The following TUBGCP6 variants were observed in gnomAD, a reference collection of about 807,000 sequenced individuals.
TUBGCP6 encodes the protein gamma-tubulin complex component 6.
TUBGCP6 carries 161 observed loss-of-function variants against 175.8 expected under a neutral mutation model. The observed-to-expected ratio is 0.92, with a 90% CI of 0.81 to 1.04. The LOEUF (loss-of-function observed/expected upper bound fraction) is 1.04. Ranked by LOEUF, TUBGCP6 falls within the 50% of genes least tolerant of loss-of-function variation. The pLI is 0.00. For synonymous variants in TUBGCP6, 1,173 were observed against 1,030.5 expected (o/e 1.14, Z -2.65); for missense variants, 2,572 against 2,433.0 (o/e 1.06, Z -1.20).
intron 4 of TUBGCP6, among the ~76,000 whole-genome samples, chr22:50,229,112 C>T (rs1430745555): frequency 2.0e-5 from 3 of 152,240 alleles, no homozygotes; most frequent in Non-Finnish European, 4.4e-5. Flanking sequence ...AGCAAGAGCC[C>T]CACTCACGCC....
chr22:50,227,766 G>A lies in TUBGCP6; in HGVS notation c.1412+141C>T, dbSNP rs981608413. The A allele has an allele frequency of 8.9e-6, 11 of 1,241,828 alleles. No individual in the cohort carries two copies. In the African/African-American group the frequency reaches 1.1e-4, roughly 12 times the overall value. The allele number at this position is 1,241,828 out of a possible 1,614,324, so 76.9% of individuals were successfully genotyped here. ...CACCGGGCACCTGGTGAACTCGGCC[G>A]GCCAAGGGCCATCCGGTCGCCTGCT... On this transcript the variant is annotated intron_variant, in intron 5 of 24. Coordinates refer to ENST00000248846, the MANE Select transcript of TUBGCP6 (RefSeq NM_020461.4).
chr22:50,227,769 C>T (rs1432090283), intron 5 of TUBGCP6, 138 bp downstream of exon 5: 13 of 1,282,236 alleles, frequency 1.0e-5, no homozygotes, highest in Non-Finnish European at 1.4e-5. Context: ...CTCGGCCGGC[C>T]AAGGGCCATC....
Position 50,218,253 on chromosome 22 carries a change from T to C in TUBGCP6, c.5104A>G (p.Thr1702Ala), listed in dbSNP as rs777748338. ...TGGATCTCCTCCAGGTCGCCCACGGTGGCCAACCTGGCCCTGAACTCGCAC... is the reference window on the plus strand; with the variant it reads ...TGGATCTCCTCCAGGTCGCCCACGGCGGCCAACCTGGCCCTGAACTCGCAC... ...TWCEFRARLA[T>A]VGDLEEIQRA... Residue 1702 changes from threonine (T) to alanine (A), a missense_variant, in exon 23 of 25, where the codon ACC (threonine) becomes GCC (alanine). Coordinates refer to ENST00000248846, the MANE Select transcript of TUBGCP6 (RefSeq NM_020461.4). 15 of 1,612,914 alleles carry C rather than the reference T, an allele frequency of 9.3e-6. No homozygotes were observed. Among genetic ancestry groups the C allele is most frequent in the Admixed American group, 3.3e-5 (2 of 59,992 alleles).
Position 50,225,760 on chromosome 22 carries a change from G to A in TUBGCP6, c.1983+34C>T, listed in dbSNP as rs376866753. On this transcript the variant is annotated intron_variant, in intron 10 of 24. Coordinates refer to ENST00000248846, the MANE Select transcript of TUBGCP6 (RefSeq NM_020461.4). ...GACCCCAGGAAGCAGAGGCAGGGGC[G>A]AAGAAAGCCCCCGAGACCTGTGGTG... is the stretch of plus-strand genomic sequence containing the variant. The A allele has an allele frequency of 5.7e-5, 90 of 1,588,128 alleles. 1 individual carries two copies. The highest frequency in any genetic ancestry group is 1.7e-4 in the Middle Eastern group (1 of 5,952).
chr22:50,218,482 C>T lies in TUBGCP6; in HGVS notation c.4954+6G>A. The T allele has an allele frequency of 6.2e-7, 1 of 1,613,344 alleles. No homozygotes were observed. Among genetic ancestry groups the T allele is most frequent in the Non-Finnish European group, 8.5e-7 (1 of 1,179,934 alleles). On this transcript the variant is annotated splice_donor_region_variant and intron_variant, in intron 22 of 24. Coordinates refer to ENST00000248846, the MANE Select transcript of TUBGCP6 (RefSeq NM_020461.4). ...TGCGGGGCGCCGGGCTCCAGCGGGG[C>T]CTCACCTGTGCGCTTGAGGTGGAAG... is the stretch of plus-strand genomic sequence containing the variant.
rs752443095 is a variant in TUBGCP6 at position 50,219,314 on chromosome 22, G to A, written c.4458C>T (p.Arg1486=). The part of the protein sequence containing the change: ...ELLTLPVLMK[R]SITAPLAAHI... ...GGGCGGCCAGCGGTGCCGTGATGGA[G>A]CGCTTCATGAGCACGGGCAGCGTCA... Residue 1486 remains arginine, a synonymous_variant, in exon 19 of 25, where the codon CGC becomes CGT. Coordinates refer to ENST00000248846, the MANE Select transcript of TUBGCP6 (RefSeq NM_020461.4). 2.5e-6 allele frequency: 4 copies of A among 1,603,864 alleles called. No individual in the cohort carries two copies. The African/African-American group carries it at 4.0e-5, about 16-fold the overall frequency.
At chr22:50,241,680 GCTGCCAAACAGGGAAGGGCCCC>G (rs2064840366) in intron 1 of TUBGCP6, among the ~76,000 whole-genome samples, 1 of 152,166 alleles carries the variant, frequency 6.6e-6, no homozygotes, top group South Asian at 2.1e-4. Context: ...CTCTGCTTCG[GCTGCCAAACAGGGAAGGGCCCC>G]CTGTCCAGTT....
intron 5 of TUBGCP6, 38 bp from the exon 6 acceptor site, chr22:50,227,115 T>C (rs772388205): frequency 6.3e-7 from 1 of 1,576,420 alleles, no homozygotes. Context: ...GTGACCGGGC[T>C]CAGGGTTCCC....
chr22:50,220,078 G>A (rs570150774), intron 16 of TUBGCP6, 63 bp from the exon 17 acceptor site: 48 of 1,571,480 alleles, frequency 3.1e-5, no homozygotes, highest in East Asian at 1.2e-4. Flanking sequence ...GTACAGAGCC[G>A]AGCCGGCCCT....
intron 7 of TUBGCP6, 82 bp from the exon 8 acceptor site, chr22:50,226,460 G>T: frequency 7.4e-7 from 1 of 1,356,868 alleles, no homozygotes; most frequent in Non-Finnish European, 1.0e-6. Context: ...GTGGGACAGG[G>T]GCGTGGCTGT....
intron 2 of TUBGCP6, among the ~76,000 whole-genome samples, chr22:50,238,351 CAG>C (rs1483476803): frequency 3.4e-5 from 5 of 148,882 alleles, no homozygotes; most frequent in African/African-American, 1.2e-4. Context: ...GAGGCTGAGA[CAG>C]GGAGAATTAC....
At chr22:50,219,556 GGGCTCCGCCCC>G (rs2064480331) in intron 18 of TUBGCP6, 77 bp downstream of exon 18, 1 of 1,588,318 alleles carries the variant, frequency 6.3e-7, no homozygotes, top group Admixed American at 1.7e-5. Flanking sequence ...GGCTAGCCCA[GGGCTCCGCCCC>G]AACCCACAGG....
Position 50,218,064 on chromosome 22 carries a change from A to T in TUBGCP6, c.5222T>A (p.Phe1741Tyr). The T allele has an allele frequency of 6.2e-7, 1 of 1,613,454 alleles. No individual in the cohort carries two copies. The highest frequency in any genetic ancestry group is 8.5e-7 in the Non-Finnish European group (1 of 1,179,950). ...APVMNVIHSIFSLVLKFRSQL... is the reference protein window; with the variant it reads ...APVMNVIHSIYSLVLKFRSQL... ...GCTGCGGAACTTGAGCACGAGGCTG[A>T]AGATGCTGTGGATGACGTTCATGAC... The change falls in exon 24 of 25, where the codon TTC becomes TAC. Residue 1741 changes from phenylalanine to tyrosine, a missense_variant. By Grantham distance (22) the Phe-to-Tyr change is conservative. Coordinates refer to ENST00000248846, the MANE Select transcript of TUBGCP6 (RefSeq NM_020461.4).
Position 50,243,967 on chromosome 22 carries a change from A to C in TUBGCP6, c.493T>G (p.Ser165Ala), listed in dbSNP as rs1035451054. ...VFEMDVQSLI[S>A]REECLCHSMI... ...CTGTGACACAAACACTCTTCTCTGG[A>C]GATCAGAGACTGAACGTCCATCTCA... Residue 165 changes from serine (S) to alanine (A), a missense_variant, in exon 1 of 25, where the codon TCC becomes GCC. Ser to Ala is a moderately conservative substitution (Grantham distance 99). Coordinates refer to ENST00000248846, the MANE Select transcript of TUBGCP6 (RefSeq NM_020461.4). 7 of 1,614,118 alleles carry C rather than the reference A, an allele frequency of 4.3e-6. No homozygotes were observed. The highest frequency in any genetic ancestry group is 2.7e-5 in the African/African-American group (2 of 75,048).
chr22:50,228,788 G>A (rs994551149), intron 4 of TUBGCP6, among the ~76,000 whole-genome samples: 10 of 152,046 alleles, frequency 6.6e-5, no homozygotes, highest in African/African-American at 2.4e-4. Flanking sequence ...GACAGCCCCT[G>A]CTGCAGCAGC....
At chr22:50,228,639 C>A (rs560984691) in intron 4 of TUBGCP6, among the ~76,000 whole-genome samples, 240 of 152,194 alleles carry the variant, frequency 1.6e-3, no homozygotes, top group Admixed American at 4.8e-3. Context: ...CCTGCTCTGA[C>A]CCCTTCTCCA....
chr22:50,240,061 C>T, intron 2 of TUBGCP6, 143 bp downstream of exon 2: 1 of 1,165,518 alleles, frequency 8.6e-7, no homozygotes, highest in Non-Finnish European at 1.2e-6. Context: ...AGGACTCAGT[C>T]AATTTTGGAC....
rs2064475563 is a variant in TUBGCP6 at position 50,219,376 on chromosome 22, C to G, written c.4396G>C (p.Ala1466Pro). Residue 1466 changes from alanine to proline, a missense_variant, in exon 19 of 25, where the codon GCC (alanine) becomes CCC (proline). Ala to Pro is a conservative substitution (Grantham distance 27). Coordinates refer to ENST00000248846, the MANE Select transcript of TUBGCP6 (RefSeq NM_020461.4). ...AFPVDPQVQS[A>P]ADETAVQLSE... ...AGCTGCACAGCAGTCTCATCAGCGG[C>G]AGACTGGACCTGGGGGTCCACGGGG... 2 of 1,581,004 alleles carry G rather than the reference C, an allele frequency of 1.3e-6. No individual in the cohort carries two copies. Among genetic ancestry groups the G allele is most frequent in the Non-Finnish European group, 1.7e-6 (2 of 1,164,472 alleles).
intron 7 of TUBGCP6, 24 bp downstream of exon 7, chr22:50,226,709 G>A (rs780231670): frequency 4.1e-5 from 64 of 1,555,674 alleles, no homozygotes; most frequent in Middle Eastern, 1.7e-4. Context: ...CGCGCCCGCC[G>A]CGCCTGCCCA....
Sources: allele counts gnomAD v4.1 joint callset (sites outside exome capture counted in the v4.1 genomes callset), GRCh38; gene constraint gnomAD v4.1.1; transcripts MANE v1.5; gene names NCBI Gene and HGNC (gene_info 2026-07-23, HGNC 2026-07-21).